The following FYB1 variants were observed in gnomAD, a reference collection of about 807,000 sequenced individuals.
FYB1 encodes the protein FYN-binding protein 1.
FYB1 carries 41 observed loss-of-function variants against 94.1 expected under a neutral mutation model. That is an observed-to-expected ratio of 0.44 (90% confidence interval 0.34 to 0.57). The LOEUF is 0.57. Among genes scored for constraint, FYB1 ranks in the 20% least tolerant of loss-of-function variants. The pLI is 0.02. For synonymous variants in FYB1, 367 were observed against 353.2 expected (o/e 1.04, Z -0.44); for missense variants, 1,050 against 976.8 (o/e 1.07, Z -1.00).
At chr5:39,173,532 A>C (rs1456475223) in intron 2 of FYB1, among the ~76,000 whole-genome samples, 1 of 152,128 alleles carries the variant, frequency 6.6e-6, no homozygotes, top group African/African-American at 2.4e-5. Context: ...CTATGTTGAG[A>C]AGGGTAGTTT....
rs1281072537 is a variant in FYB1 at position 39,201,994 on chromosome 5, C to G, written c.967G>C (p.Gly323Arg). The G allele has an allele frequency of 1.9e-6, 3 of 1,613,922 alleles. No individual in the cohort carries two copies. In the African/African-American group the frequency reaches 4.0e-5, roughly 22 times the overall value. Residue 323 changes from glycine to arginine, a missense_variant, in exon 2 of 19, where the codon GGG becomes CGG. Transcript: ENST00000512982. ...FPKAPSKLTV[G>R]GPWGQSQEKE... Reference sequence around the variant, plus strand: ...TCCTGACTTTGGCCCCATGGCCCCCCCACTGTCAGCTTAGAAGGGGCCTTA... The same window carrying G: ...TCCTGACTTTGGCCCCATGGCCCCCGCACTGTCAGCTTAGAAGGGGCCTTA...
intron 1 of FYB1, among the ~76,000 whole-genome samples, chr5:39,225,128 G>A (rs1201080574): frequency 6.6e-6 from 1 of 152,090 alleles, no homozygotes; most frequent in African/African-American, 2.4e-5. Context: ...CAGAAGAGTG[G>A]TCACTGAAGA....
At chr5:39,262,663 A>G (rs1221422893) in intron 1 of FYB1, among the ~76,000 whole-genome samples, 1 of 152,230 alleles carries the variant, frequency 6.6e-6, no homozygotes. Context: ...GAAATTGAAA[A>G]TAATGGCAAC....
At position 39,148,381 on chromosome 5, in the gene FYB1, G is replaced by GTT. The variant is rs538508812; in HGVS notation, c.1292+5065_1292+5066dup. Reference sequence around the variant, plus strand: ...GCATTTAGCTTTTAATTATCAGCAGGTTTTTTTTTTTTTTTTTTTTTTTTT... The same window carrying GTT: ...GCATTTAGCTTTTAATTATCAGCAGGTTTTTTTTTTTTTTTTTTTTTTTTTTT... On this transcript the variant is annotated intron_variant, in intron 3 of 18. Transcript: ENST00000512982. Among the ~76,000 whole-genome samples, 222 of 38,138 alleles carry GTT rather than the reference G, an allele frequency of 5.8e-3. 66 individuals carry two copies. Among genetic ancestry groups the GTT allele is most frequent in the African/African-American group, 9.3e-3 (125 of 13,462 alleles). The allele number at this position is 38,138 out of a possible 152,430, so 25.0% of individuals were successfully genotyped here.
intron 1 of FYB1, among the ~76,000 whole-genome samples, chr5:39,238,744 T>C (rs1457899880): frequency 3.3e-5 from 5 of 152,218 alleles, no homozygotes; most frequent in African/African-American, 9.6e-5. Context: ...TTAAGGAGCA[T>C]AGATGGAAAG....
At chr5:39,160,532 T>C (rs1034868053) in intron 2 of FYB1, among the ~76,000 whole-genome samples, 1 of 152,190 alleles carries the variant, frequency 6.6e-6, no homozygotes, top group Non-Finnish European at 1.5e-5. Flanking sequence ...AGAAACAATT[T>C]TCAACATGAG....
At chr5:39,219,597 G>C, upstream of FYB1, 1 of 985,142 alleles carries the variant, frequency 1.0e-6, no homozygotes, top group Non-Finnish European at 1.2e-6. Flanking sequence ...GTTTTGTCCC[G>C]GTCAGTGGTT....
chr5:39,169,583 G>A (rs1000719237), intron 2 of FYB1: 5 of 482,800 alleles, frequency 1.0e-5, no homozygotes, highest in Admixed American at 2.4e-5. Context: ...AGTGGCTCAC[G>A]CCTGTAATCC....
chr5:39,153,350 AG>A, intron 3 of FYB1, 97 bp downstream of exon 3: 1 of 1,472,144 alleles, frequency 6.8e-7, no homozygotes, highest in Non-Finnish European at 9.5e-7. Context: ...TTGTAGACCC[AG>A]AAGTTTCCCA....
rs372366850 is a variant in FYB1, at chr5:39,126,149, A to C, written c.1908-14T>G. ...TGTAGTGTGGAGCTTTGGAGCATGC[A>C]GGCATTGATCAGAATGTAATAATCA... On this transcript the variant is annotated splice_polypyrimidine_tract_variant and intron_variant, in intron 11 of 18. Transcript: ENST00000512982. 2.0e-5 allele frequency: 32 copies of C among 1,612,112 alleles called. No individual in the cohort carries two copies. The highest frequency in any genetic ancestry group is 1.5e-4 in the Admixed American group (9 of 59,714).
At chr5:39,118,788 C>T (rs1483617077) in intron 16 of FYB1, 86 bp downstream of exon 16, 8 of 811,744 alleles carry the variant, frequency 9.9e-6, no homozygotes, top group Admixed American at 9.1e-5. Context: ...AGTTAGTAAA[C>T]ACAGAGTAGT....
At chr5:39,148,514 C>T (rs1222454301) in intron 3 of FYB1, among the ~76,000 whole-genome samples, 1 of 140,438 alleles carries the variant, frequency 7.1e-6, no homozygotes, top group African/African-American at 2.6e-5. Flanking sequence ...TGGAACATGT[C>T]TTCCTATATT....
chr5:39,131,199 T>C (rs1369012891), intron 9 of FYB1, among the ~76,000 whole-genome samples: 2 of 152,204 alleles, frequency 1.3e-5, no homozygotes, highest in African/African-American at 2.4e-5. Flanking sequence ...ATATTTTCTC[T>C]ATTTTAGCAT....
At chr5:39,260,265 T>A (rs1752156419) in intron 1 of FYB1, among the ~76,000 whole-genome samples, 1 of 144,604 alleles carries the variant, frequency 6.9e-6, no homozygotes, top group African/African-American at 2.6e-5. Context: ...GTTGGGTAAA[T>A]CCAGACTGAC....
chr5:39,223,635 T>C (rs990295917), upstream of FYB1, among the ~76,000 whole-genome samples: 1 of 152,216 alleles, frequency 6.6e-6, no homozygotes, highest in Non-Finnish European at 1.5e-5. Context: ...CATTCCCCCA[T>C]GCAAGAGTAA....
chr5:39,148,385 T>G (rs1439150513), intron 3 of FYB1, among the ~76,000 whole-genome samples: 2 of 81,172 alleles, frequency 2.5e-5, no homozygotes, highest in Non-Finnish European at 4.4e-5. Flanking sequence ...CAGCAGGTTT[T>G]TTTTTTTTTT....
intron 1 of FYB1, among the ~76,000 whole-genome samples, chr5:39,233,485 T>C (rs1349604332): frequency 6.6e-6 from 1 of 152,208 alleles, no homozygotes; most frequent in Non-Finnish European, 1.5e-5. Context: ...TTAAAAATGA[T>C]CGGCAGACTC....
intron 11 of FYB1, among the ~76,000 whole-genome samples, chr5:39,127,332 T>A (rs1740775350): frequency 6.6e-6 from 1 of 151,472 alleles, no homozygotes; most frequent in East Asian, 1.9e-4. Flanking sequence ...TGATAAACTC[T>A]TCAGGGATTG....
At chr5:39,109,812 G>A (rs1561118658) in intron 17 of FYB1, among the ~76,000 whole-genome samples, 2 of 152,078 alleles carry the variant, frequency 1.3e-5, no homozygotes, top group Non-Finnish European at 2.9e-5. Flanking sequence ...CTGTGACAAT[G>A]TCTTATTCAT....
Sources: gnomAD v4.1 joint callset for allele counts (sites outside exome capture counted in the v4.1 genomes callset) on GRCh38, gnomAD v4.1.1 for gene constraint, MANE v1.5 for transcripts, NCBI Gene and HGNC (gene_info 2026-07-23, HGNC 2026-07-21) for gene names.